INPP4A: variants seen among roughly 807,000 people sequenced by gnomAD.
INPP4A encodes inositol polyphosphate-4-phosphatase type I A.
In INPP4A, 33 loss-of-function variants were observed where a neutral mutation model predicts 119.8. That is an observed-to-expected ratio of 0.28 (90% CI 0.21 to 0.37). The LOEUF is 0.37. Ranked by LOEUF, INPP4A falls within the 10% of genes least tolerant of loss-of-function variation. The pLI is 1.00. For missense variants in INPP4A, 956 were observed against 1,289.9 expected (o/e 0.74, Z 3.97); for synonymous variants, 496 against 500.7 (o/e 0.99, Z 0.12).
intron 1 of INPP4A, among the ~76,000 whole-genome samples, chr2:98,485,893 A>G (rs531123030): frequency 6.6e-6 from 1 of 152,340 alleles, no homozygotes; most frequent in African/African-American, 2.4e-5. Context: ...CTTCATAAAC[A>G]TTAAGTTTTA....
intron 10 of INPP4A, among the ~76,000 whole-genome samples, chr2:98,542,079 A>G (rs1691571893): frequency 1.3e-5 from 2 of 152,220 alleles, no homozygotes; most frequent in African/African-American, 4.8e-5. Context: ...TGAAAAGGGA[A>G]CTGTGAGAAG....
intron 13 of INPP4A, among the ~76,000 whole-genome samples, chr2:98,551,202 C>T (rs940270443): frequency 2.6e-5 from 4 of 152,190 alleles, no homozygotes; most frequent in African/African-American, 9.7e-5. Flanking sequence ...GCAATCCACC[C>T]ACCTTGGCCT....
Position 98,591,923 on chromosome 2 carries a change from ATGAGC to A in INPP4A, c.*4316_*4320del, listed in dbSNP as rs1232375702. 2 of 152,162 alleles carry A rather than the reference ATGAGC, an allele frequency of 1.3e-5. No individual in the cohort carries two copies. Among genetic ancestry groups the A allele is most frequent in the Non-Finnish European group, 2.9e-5 (2 of 68,044 alleles). 9.4% of individuals were successfully genotyped at this position (152,162 alleles called of 1,614,324 possible). On this transcript the variant is annotated 3_prime_UTR_variant, in exon 25 of 25. Coordinates refer to ENST00000409851, the MANE Select transcript of INPP4A (RefSeq NM_001134225.2). ...ATTGAGTGTTCCTAATGTTGTAGTA[ATGAGC>A]AGTAGATGTCTCTCAGTGGGCAGTG...
chr2:98,568,829 A>G lies in INPP4A; in HGVS notation c.2518+161A>G, dbSNP rs78732615. On this transcript the variant is annotated intron_variant, in intron 22 of 24. Coordinates refer to ENST00000409851, the MANE Select transcript of INPP4A (RefSeq NM_001134225.2). Reference sequence around the variant, plus strand: ...ACACACACGCAGAGAGAGAGAGAGAAGCTTCCCTTGGCTGTGGCCCTCATT... The same window carrying G: ...ACACACACGCAGAGAGAGAGAGAGAGGCTTCCCTTGGCTGTGGCCCTCATT... 1.3e-3 allele frequency: 756 copies of G among 585,220 alleles called. 6 individuals are homozygous for G. In the East Asian group the frequency reaches 0.015, roughly 11 times the overall value. The allele number at this position is 585,220 out of a possible 1,614,324, so 36.3% of individuals were successfully genotyped here.
At chr2:98,489,992 A>T (rs917189457) in intron 1 of INPP4A, among the ~76,000 whole-genome samples, 5 of 151,458 alleles carry the variant, frequency 3.3e-5, no homozygotes, top group African/African-American at 9.7e-5. Flanking sequence ...GCCTAGGGTG[A>T]TGGAGCTAAT....
At chr2:98,577,461 CTG>C (rs907361281) in intron 24 of INPP4A, among the ~76,000 whole-genome samples, 6 of 152,260 alleles carry the variant, frequency 3.9e-5, no homozygotes, top group African/African-American at 1.4e-4. Context: ...ATGCAGTGCC[CTG>C]TTGGCCACCT....
chr2:98,576,113 G>A (rs999356764), intron 23 of INPP4A, among the ~76,000 whole-genome samples: 7 of 152,246 alleles, frequency 4.6e-5, no homozygotes, highest in African/African-American at 1.7e-4. Context: ...AATGGGATAA[G>A]TAAAGATTGC....
chr2:98,573,157 G>A (rs1697786868), intron 23 of INPP4A, among the ~76,000 whole-genome samples: 2 of 152,144 alleles, frequency 1.3e-5, no homozygotes, highest in African/African-American at 4.8e-5. Context: ...ATCTCTTGGG[G>A]CATTTACTAG....
At chr2:98,510,158 C>T (rs147500883) in intron 1 of INPP4A, among the ~76,000 whole-genome samples, 1 of 152,194 alleles carries the variant, frequency 6.6e-6, no homozygotes, top group East Asian at 1.9e-4. Flanking sequence ...AGTTGGGGTA[C>T]TAAGGGAGTT....
rs190947185 is a variant in INPP4A at position 98,570,414 on chromosome 2, G to A, written c.2518+1746G>A. Among the ~76,000 whole-genome samples the A allele has an allele frequency of 1.1e-4, 16 of 152,288 alleles. No individual in the cohort carries two copies. Among genetic ancestry groups the A allele is most frequent in the East Asian group, 1.9e-4 (1 of 5,182 alleles). ...GGCAGGAGCCAGGAGGGTGTGGGGCGCTGCCGGACACTGGATGTGTGGACA... is the reference window on the plus strand; with the variant it reads ...GGCAGGAGCCAGGAGGGTGTGGGGCACTGCCGGACACTGGATGTGTGGACA... On this transcript the variant is annotated intron_variant, in intron 22 of 24. Transcript: ENST00000409851. The surrounding 1 kb of genome is among the most constrained non-coding windows in gnomAD (Gnocchi z 4.3).
intron 4 of INPP4A, among the ~76,000 whole-genome samples, chr2:98,521,940 CA>C (rs1558997769): frequency 6.6e-6 from 1 of 151,738 alleles, no homozygotes; most frequent in Non-Finnish European, 1.5e-5. Flanking sequence ...AAAAAAGAAA[CA>C]AAAAATAGAA....
intron 24 of INPP4A, among the ~76,000 whole-genome samples, chr2:98,579,968 C>A (rs1699042792): frequency 6.6e-6 from 1 of 152,266 alleles, no homozygotes; most frequent in South Asian, 2.1e-4. Context: ...CCAACCCTTG[C>A]AGGTCTGAGG....
intron 1 of INPP4A, among the ~76,000 whole-genome samples, chr2:98,451,161 C>G (rs1228138892): frequency 6.6e-6 from 1 of 152,198 alleles, no homozygotes; most frequent in Non-Finnish European, 1.5e-5. Flanking sequence ...TTTGCACATA[C>G]CTTTGTCATG....
intron 17 of INPP4A, among the ~76,000 whole-genome samples, chr2:98,560,754 G>C (rs549867825): frequency 6.6e-6 from 1 of 152,214 alleles, no homozygotes; most frequent in Non-Finnish European, 1.5e-5. Flanking sequence ...TGGTGCCCAA[G>C]CCTGGGGCCA....
At chr2:98,458,278 A>G (rs976446939) in intron 1 of INPP4A, among the ~76,000 whole-genome samples, 2 of 152,072 alleles carry the variant, frequency 1.3e-5, no homozygotes, top group Admixed American at 6.5e-5. Context: ...CAGGAGTTCA[A>G]AGTTGCAGTG....
intron 4 of INPP4A, among the ~76,000 whole-genome samples, chr2:98,531,583 CAG>C (rs1193772363): frequency 6.6e-6 from 1 of 152,132 alleles, no homozygotes; most frequent in East Asian, 1.9e-4. Flanking sequence ...AAGCCATACT[CAG>C]TGGGAAAATT....
intron 1 of INPP4A, among the ~76,000 whole-genome samples, chr2:98,503,916 G>A (rs570729336): frequency 5.9e-5 from 9 of 152,340 alleles, no homozygotes; most frequent in South Asian, 2.1e-4. Flanking sequence ...AAGGTGCTGC[G>A]TGTCAGTTGG....
chr2:98,550,121 C>T (rs1279639254), intron 13 of INPP4A, among the ~76,000 whole-genome samples: 1 of 152,018 alleles, frequency 6.6e-6, no homozygotes, highest in African/African-American at 2.4e-5. Flanking sequence ...GAACCTTGTT[C>T]CTGGGGAACT....
In INPP4A at chr2:98,555,685, A is replaced by C. The variant is rs1461198536; in HGVS notation, c.1699A>C (p.Lys567Gln). ...CCCCTGTGCAGGCAGCTGCACCAGC[A>C]AGAAAGGTAACCCGGACAGCCACGC... ...VFPCAGSCTS[K>Q]KGNPDSHAYW... is the part of the protein sequence containing the mutation. The change falls in exon 16 of 25, where the codon AAG becomes CAG. Residue 567 changes from lysine (K) to glutamine (Q), a missense_variant. By Grantham distance (53) the Lys-to-Gln change is moderately conservative. Transcript: ENST00000409851. 1.2e-6 allele frequency: 2 copies of C among 1,613,784 alleles called. No individual in the cohort carries two copies. Among genetic ancestry groups the C allele is most frequent in the African/African-American group, 2.7e-5 (2 of 74,916 alleles).
Sources: gnomAD v4.1 joint callset for allele counts (sites outside exome capture counted in the v4.1 genomes callset) on GRCh38, gnomAD v4.1.1 for gene constraint, Gnocchi (gnomAD v3.1) non-coding constraint, MANE v1.5 for transcripts, NCBI Gene and HGNC (gene_info 2026-07-23, HGNC 2026-07-21) for gene names.